Variants in IL1RAPL2 observed in about 807,000 individuals in gnomAD.
IL1RAPL2 encodes X-linked interleukin-1 receptor accessory protein-like 2.
Under a neutral mutation model 44.1 loss-of-function variants are expected in IL1RAPL2, and 3 were observed. The observed-to-expected ratio is 0.07, with a 90% CI of 0.03 to 0.18. The LOEUF is 0.18. IL1RAPL2 is among the 10% of genes least tolerant of loss of function. IL1RAPL2 has a pLI of 1.00. For missense variants in IL1RAPL2, 391 were observed against 496.4 expected (o/e 0.79, Z 2.02); for synonymous variants, 181 against 178.8 (o/e 1.01, Z -0.10).
intron 6 of IL1RAPL2, among the ~76,000 whole-genome samples, chrX:105,699,471 G>A (rs2038102802): frequency 9.0e-6 from 1 of 111,678 alleles, no homozygotes; most frequent in African/African-American, 3.3e-5. Flanking sequence ...ATTATAACAA[G>A]GTATATAGAT....
At chrX:105,370,429 C>T (rs959121658) in intron 5 of IL1RAPL2, among the ~76,000 whole-genome samples, 2 of 111,264 alleles carry the variant, frequency 1.8e-5, no homozygotes, top group Admixed American at 9.6e-5. Flanking sequence ...TTTTTGTGTC[C>T]ATGTGTACAA....
At chrX:105,498,979 T>TA (rs1464326886) in intron 6 of IL1RAPL2, among the ~76,000 whole-genome samples, 2 of 110,773 alleles carry the variant, frequency 1.8e-5, no homozygotes, top group Non-Finnish European at 3.8e-5. Context: ...TGAACCCTAT[T>TA]ACGAACTGTG....
intron 5 of IL1RAPL2, among the ~76,000 whole-genome samples, chrX:105,276,134 G>A (rs1343121801): frequency 2.7e-5 from 3 of 112,731 alleles, no homozygotes; most frequent in African/African-American, 9.7e-5. Context: ...GGCCAGGCAC[G>A]GTGGCTCACG....
chrX:104,611,095 T>C lies in IL1RAPL2; in HGVS notation c.-20+44044T>C, dbSNP rs188634136. On this transcript the variant is annotated intron_variant, in intron 1 of 10. Coordinates refer to ENST00000372582, the MANE Select transcript of IL1RAPL2 (RefSeq NM_017416.2). ...CTCTCCTGTATGGGGTGTCTGTCAG[T>C]CCCTACTGGGAGGTATCTCTAAGTC... 1.4e-4 allele frequency among the ~76,000 whole-genome samples: 16 copies of C among 111,657 alleles called. No homozygotes were observed. In the East Asian group the frequency reaches 3.1e-3, roughly 22 times the overall value.
intron 6 of IL1RAPL2, among the ~76,000 whole-genome samples, chrX:105,577,766 A>ATCTC (rs2147812970): frequency 9.1e-6 from 1 of 109,577 alleles, no homozygotes; most frequent in East Asian, 2.9e-4. Context: ...ACCAAATCCC[A>ATCTC]TCTCTTTCCC....
rs753601887 is a variant in IL1RAPL2 at position 104,905,584 on chromosome X, T to C, written c.82+246589T>C. Among the ~76,000 whole-genome samples, 229 of 111,986 alleles carry C rather than the reference T, an allele frequency of 2.0e-3. 1 individual carries two copies. The highest frequency in any genetic ancestry group is 0.014 in the Middle Eastern group (3 of 218). On this transcript the variant is annotated intron_variant, in intron 2 of 10. Transcript: ENST00000372582. ...GAATCCTTTCCCCATTGCTTGTTTT[T>C]CTCAGGTTTGTCAAAGATCAGATAG...
At chrX:105,015,345 G>A (rs1187173228) in intron 2 of IL1RAPL2, among the ~76,000 whole-genome samples, 3 of 111,299 alleles carry the variant, frequency 2.7e-5, no homozygotes, top group Non-Finnish European at 5.7e-5. Flanking sequence ...TTTGGCTTTT[G>A]TTGCCATACT....
At chrX:105,758,248 A>G (rs184715281) in intron 10 of IL1RAPL2, among the ~76,000 whole-genome samples, 5 of 111,906 alleles carry the variant, frequency 4.5e-5, no homozygotes, top group Non-Finnish European at 9.4e-5. Flanking sequence ...ATAATTTTCT[A>G]TGAATCAAAT....
intron 2 of IL1RAPL2, among the ~76,000 whole-genome samples, chrX:105,067,968 A>G (rs889674791): frequency 4.5e-5 from 5 of 112,309 alleles, no homozygotes; most frequent in African/African-American, 6.5e-5. Flanking sequence ...TTTACTCTCG[A>G]TATCTTTGAA....
Position 105,531,792 on chromosome X carries a change from A to G in IL1RAPL2, c.772+47405A>G, listed in dbSNP as rs141396930. 4.2e-3 allele frequency among the ~76,000 whole-genome samples: 468 copies of G among 111,804 alleles called. 2 individuals are homozygous for G. Among genetic ancestry groups the G allele is most frequent in the African/African-American group, 0.015 (447 of 30,755 alleles). The stretch of plus-strand genomic sequence containing the variant: ...CTACATATGGATATCCAGTTTTCCC[A>G]GCACGATTTATTGAAGACACTGGCT... On this transcript the variant is annotated intron_variant, in intron 6 of 10. Transcript: ENST00000372582.
chrX:104,963,106 G>A (rs1288551362), intron 2 of IL1RAPL2, among the ~76,000 whole-genome samples: 1 of 111,821 alleles, frequency 8.9e-6, no homozygotes, highest in African/African-American at 3.3e-5. Context: ...ATATCAAATA[G>A]TTTCCCTAAT....
intron 5 of IL1RAPL2, among the ~76,000 whole-genome samples, chrX:105,274,246 C>T (rs890106258): frequency 4.5e-5 from 5 of 111,534 alleles, no homozygotes; most frequent in African/African-American, 1.3e-4. Context: ...TAGTTAAGAT[C>T]GTTAGGAGTA....
intron 2 of IL1RAPL2, among the ~76,000 whole-genome samples, chrX:105,126,210 G>A (rs1009179610): frequency 2.4e-4 from 27 of 111,043 alleles, no homozygotes; most frequent in Non-Finnish European, 2.3e-4. Flanking sequence ...CCATTTGAAA[G>A]TGCTCTATGT....
At chrX:105,052,315 A>G (rs1179117587) in intron 2 of IL1RAPL2, among the ~76,000 whole-genome samples, 3 of 112,299 alleles carry the variant, frequency 2.7e-5, no homozygotes, top group African/African-American at 9.7e-5. Context: ...GCTTCCACTT[A>G]GAGCCCATTG....
intron 5 of IL1RAPL2, among the ~76,000 whole-genome samples, chrX:105,403,245 T>C (rs929343040): frequency 6.3e-5 from 7 of 111,984 alleles, no homozygotes; most frequent in African/African-American, 2.3e-4. Flanking sequence ...ATCAGTGATT[T>C]GGTGAAACAG....
chrX:105,553,930 T>G (rs1236532869), intron 6 of IL1RAPL2, among the ~76,000 whole-genome samples: 1 of 112,903 alleles, frequency 8.9e-6, no homozygotes, highest in Non-Finnish European at 1.9e-5. Flanking sequence ...CCTTTCCCAA[T>G]TTTGAAAAGC....
chrX:104,601,033 A>G (rs1928871962), intron 1 of IL1RAPL2, among the ~76,000 whole-genome samples: 1 of 111,912 alleles, frequency 8.9e-6, no homozygotes, highest in African/African-American at 3.2e-5. Flanking sequence ...ATATATACCC[A>G]GTAATGGGTT....
At chrX:105,122,532 A>C (rs2032935270) in intron 2 of IL1RAPL2, among the ~76,000 whole-genome samples, 1 of 111,683 alleles carries the variant, frequency 9.0e-6, no homozygotes, top group Admixed American at 9.5e-5. Context: ...AAAGATGATC[A>C]TCAGACAGAT....
chrX:105,169,480 G>GTTTC (rs1569396630), intron 2 of IL1RAPL2, among the ~76,000 whole-genome samples: 7 of 59,944 alleles, frequency 1.2e-4, no homozygotes, highest in African/African-American at 7.7e-4. Flanking sequence ...GAAACTTTCA[G>GTTTC]TTTCTTTCTT....
Sources: gnomAD v4.1 joint callset for allele counts (sites outside exome capture counted in the v4.1 genomes callset) on GRCh38, gnomAD v4.1.1 for gene constraint, MANE v1.5 for transcripts, NCBI Gene and HGNC (gene_info 2026-07-23, HGNC 2026-07-21) for gene names.